The following GPC5 variants were observed in gnomAD, a reference collection of about 807,000 sequenced individuals.
GPC5 encodes glypican-5.
In GPC5, 47 loss-of-function variants were observed where a neutral mutation model predicts 53.9. The ratio of observed to expected loss-of-function variants is 0.87; its 90% CI spans 0.69 to 1.11. GPC5 has a LOEUF of 1.11. GPC5 is among the 50% of genes most tolerant of loss of function. GPC5 has a pLI of 0.00. For synonymous variants in GPC5, 286 were observed against 263.3 expected (o/e 1.09, Z -0.84); for missense variants, 748 against 713.1 (o/e 1.05, Z -0.56).
intron 7 of GPC5, among the ~76,000 whole-genome samples, chr13:92,535,403 G>T (rs1260299068): frequency 6.6e-6 from 1 of 152,014 alleles, no homozygotes; most frequent in Non-Finnish European, 1.5e-5. Context: ...CCGCAACCCA[G>T]GAGACTGGAG....
intron 7 of GPC5, among the ~76,000 whole-genome samples, chr13:92,566,926 G>C (rs9589578): frequency 0.036 from 5,521 of 152,112 alleles, 285 homozygotes; most frequent in African/African-American, 0.11. Context: ...TATTGACCTA[G>C]AGGATGATTA....
In GPC5 at chr13:92,858,346, C is replaced by T. The variant is rs556255717; in HGVS notation, c.1562-7936C>T. ...ATCCCTTTGCTCTTCCTTTGTCTTCCGCCATGATGGTGAGGCCTCCCCAGC... is the reference window on the plus strand; with the variant it reads ...ATCCCTTTGCTCTTCCTTTGTCTTCTGCCATGATGGTGAGGCCTCCCCAGC... On this transcript the variant is annotated intron_variant, in intron 7 of 7. Coordinates refer to ENST00000377067, the MANE Select transcript of GPC5 (RefSeq NM_004466.6). 1.9e-3 allele frequency among the ~76,000 whole-genome samples: 282 copies of T among 152,264 alleles called. 1 individual carries two copies. Among genetic ancestry groups the T allele is most frequent in the African/African-American group, 6.4e-3 (264 of 41,556 alleles).
At chr13:91,723,886 C>T (rs191541638) in intron 3 of GPC5, among the ~76,000 whole-genome samples, 290 of 152,266 alleles carry the variant, frequency 1.9e-3, no homozygotes, top group African/African-American at 6.7e-3. Flanking sequence ...CCTCTGCCCC[C>T]ATAGTGACCT....
intron 7 of GPC5, among the ~76,000 whole-genome samples, chr13:92,172,458 A>G (rs2042077439): frequency 1.3e-5 from 2 of 152,346 alleles, no homozygotes; most frequent in South Asian, 4.1e-4. Context: ...TGACTCTTAG[A>G]TGAAACTTTA....
At chr13:91,425,388 A>C (rs1300987752) in intron 1 of GPC5, among the ~76,000 whole-genome samples, 1 of 152,190 alleles carries the variant, frequency 6.6e-6, no homozygotes, top group Non-Finnish European at 1.5e-5. Flanking sequence ...CTTGAATTGT[A>C]ATCTCCAAGT....
chr13:91,816,633 C>T (rs561214110), intron 5 of GPC5, among the ~76,000 whole-genome samples: 5 of 152,162 alleles, frequency 3.3e-5, no homozygotes, highest in East Asian at 3.9e-4. Flanking sequence ...GAAAAACATC[C>T]GGTGCAGCAG....
At chr13:91,851,509 T>A (rs1289474318) in intron 5 of GPC5, among the ~76,000 whole-genome samples, 2 of 151,082 alleles carry the variant, frequency 1.3e-5, no homozygotes, top group Non-Finnish European at 1.5e-5. Flanking sequence ...CTTTTTTTTT[T>A]ATTATTATAC....
At chr13:92,216,746 A>G (rs1272953580) in intron 7 of GPC5, among the ~76,000 whole-genome samples, 1 of 151,968 alleles carries the variant, frequency 6.6e-6, no homozygotes, top group African/African-American at 2.4e-5. Flanking sequence ...TTGGGAGGCC[A>G]AGGTGGGCGG....
intron 2 of GPC5, among the ~76,000 whole-genome samples, chr13:91,579,039 C>G (rs904390874): frequency 2.0e-5 from 3 of 152,142 alleles, no homozygotes; most frequent in Non-Finnish European, 2.9e-5. Flanking sequence ...AAACGAAACC[C>G]TGTCTCTAAA....
intron 7 of GPC5, among the ~76,000 whole-genome samples, chr13:92,158,311 G>A (rs939368525): frequency 4.6e-5 from 7 of 152,158 alleles, no homozygotes; most frequent in South Asian, 2.1e-4. Context: ...CTATAGAGCC[G>A]TTTAGACTTA....
chr13:91,548,664 A>G (rs2030438670), intron 2 of GPC5, among the ~76,000 whole-genome samples: 1 of 152,220 alleles, frequency 6.6e-6, no homozygotes, highest in African/African-American at 2.4e-5. Flanking sequence ...TTGAAGGAGA[A>G]GAACGAAGTT....
chr13:91,955,652 T>C (rs2040066379), intron 6 of GPC5, among the ~76,000 whole-genome samples: 1 of 152,158 alleles, frequency 6.6e-6, no homozygotes, highest in Non-Finnish European at 1.5e-5. Context: ...TCAACCCTCA[T>C]GGGCCCTAAG....
At chr13:91,821,044 T>C (rs563445517) in intron 5 of GPC5, among the ~76,000 whole-genome samples, 1 of 152,314 alleles carries the variant, frequency 6.6e-6, no homozygotes, top group East Asian at 1.9e-4. Flanking sequence ...TCAAATTATA[T>C]GAAATGTGTT....
At chr13:92,756,443 C>T (rs1223099301) in intron 7 of GPC5, among the ~76,000 whole-genome samples, 1 of 151,824 alleles carries the variant, frequency 6.6e-6, no homozygotes, top group Non-Finnish European at 1.5e-5. Context: ...CCCTCTCTCA[C>T]CACTCCTATT....
At chr13:91,590,283 C>A (rs1438137170) in intron 2 of GPC5, among the ~76,000 whole-genome samples, 1 of 151,768 alleles carries the variant, frequency 6.6e-6, no homozygotes, top group African/African-American at 2.4e-5. Context: ...TTAAGCTTGC[C>A]ATTTTTGATT....
At chr13:92,827,126 T>C (rs1481299049) in intron 7 of GPC5, among the ~76,000 whole-genome samples, 3 of 152,070 alleles carry the variant, frequency 2.0e-5, no homozygotes, top group African/African-American at 7.2e-5. Flanking sequence ...TGGGGTCTTA[T>C]CCATCTAAAA....
chr13:92,199,212 G>A (rs2139057814), intron 7 of GPC5, among the ~76,000 whole-genome samples: 1 of 152,290 alleles, frequency 6.6e-6, no homozygotes, highest in South Asian at 2.1e-4. Context: ...TTAGGGAGCA[G>A]AAAATAATAT....
At chr13:92,166,958 A>ATCTCTCTCTCTCT (rs1566465872) in intron 7 of GPC5, among the ~76,000 whole-genome samples, 51 of 65,620 alleles carry the variant, frequency 7.8e-4, no homozygotes, top group African/African-American at 1.7e-3. Context: ...TCTCTCTCTC[A>ATCTCTCTCTCTCT]CACACACACA....
chr13:91,626,143 T>C (rs536402629), intron 2 of GPC5, among the ~76,000 whole-genome samples: 15 of 152,278 alleles, frequency 9.9e-5, no homozygotes, highest in African/African-American at 3.4e-4. Context: ...AATCTTAGAA[T>C]AGAAAAGAAC....
Sources: gnomAD v4.1 joint callset for allele counts (sites outside exome capture counted in the v4.1 genomes callset) on GRCh38, gnomAD v4.1.1 for gene constraint, MANE v1.5 for transcripts, NCBI Gene and HGNC (gene_info 2026-07-23, HGNC 2026-07-21) for gene names.